The following VKORC1L1 variants were observed in gnomAD, a reference collection of about 807,000 sequenced individuals.
VKORC1L1 encodes vitamin K epoxide reductase complex subunit 1L1.
In VKORC1L1, 2 loss-of-function variants were observed where a neutral mutation model predicts 18.9. The observed-to-expected ratio is 0.11, with a 90% CI of 0.04 to 0.33. VKORC1L1 has a LOEUF of 0.33. Ranked by LOEUF, VKORC1L1 falls within the 10% of genes least tolerant of loss-of-function variation. The pLI, the probability that VKORC1L1 is intolerant of heterozygous loss-of-function variation, is 1.00. For synonymous variants in VKORC1L1, 96 were observed against 100.0 expected (o/e 0.96, Z 0.24); for missense variants, 123 against 224.1 (o/e 0.55, Z 2.88).
chr7:65,953,760 G>C (rs1207425129), intron 2 of VKORC1L1, among the ~76,000 whole-genome samples: 2 of 152,182 alleles, frequency 1.3e-5, no homozygotes, highest in African/African-American at 4.8e-5. Flanking sequence ...TGGCTACTTG[G>C]GAGGCTGAGG....
chr7:65,935,520 G>T (rs984483546), intron 1 of VKORC1L1, among the ~76,000 whole-genome samples: 5 of 152,218 alleles, frequency 3.3e-5, no homozygotes, highest in African/African-American at 9.6e-5. Flanking sequence ...ATGTTGGCCA[G>T]GATGATCTTC....
At chr7:65,909,095 G>A (rs1460834890) in intron 1 of VKORC1L1, among the ~76,000 whole-genome samples, 1 of 147,856 alleles carries the variant, frequency 6.8e-6, no homozygotes, top group African/African-American at 2.5e-5. Flanking sequence ...CATAGCCTTG[G>A]CCTCCCAAAG....
At chr7:65,934,547 C>T (rs1011450482) in intron 1 of VKORC1L1, among the ~76,000 whole-genome samples, 1 of 152,142 alleles carries the variant, frequency 6.6e-6, no homozygotes, top group Non-Finnish European at 1.5e-5. Flanking sequence ...TCCCACTCCC[C>T]CAGCCTCTAT....
At chr7:65,907,173 C>G (rs951853116) in intron 1 of VKORC1L1, among the ~76,000 whole-genome samples, 20 of 152,156 alleles carry the variant, frequency 1.3e-4, no homozygotes, top group African/African-American at 4.8e-4. Context: ...GGCTCGGTGG[C>G]TCATGCCTGT....
chr7:65,872,831 A>G (rs1469026789), upstream of VKORC1L1, among the ~76,000 whole-genome samples: 1 of 151,970 alleles, frequency 6.6e-6, no homozygotes, highest in East Asian at 1.9e-4. Flanking sequence ...ATGGCAATTG[A>G]TTGCCATCCC....
intron 1 of VKORC1L1, among the ~76,000 whole-genome samples, chr7:65,910,839 T>G (rs1244848573): frequency 6.6e-6 from 1 of 152,214 alleles, no homozygotes; most frequent in Non-Finnish European, 1.5e-5. Context: ...ACAGGAAGCA[T>G]GTAAAACATT....
intron 1 of VKORC1L1, among the ~76,000 whole-genome samples, chr7:65,892,993 G>A (rs960420148): frequency 3.3e-5 from 5 of 152,188 alleles, no homozygotes; most frequent in African/African-American, 9.7e-5. Context: ...TCCCACAAGT[G>A]TACAATAGGG....
At chr7:65,943,183 G>A (rs1790064467) in intron 1 of VKORC1L1, among the ~76,000 whole-genome samples, 1 of 152,082 alleles carries the variant, frequency 6.6e-6, no homozygotes, top group Admixed American at 6.5e-5. Context: ...AGGATCACTT[G>A]AGCCCAGGAG....
intron 1 of VKORC1L1, among the ~76,000 whole-genome samples, chr7:65,886,865 T>TTTTCG (rs1789023331): frequency 7.6e-6 from 1 of 132,108 alleles, no homozygotes; most frequent in Non-Finnish European, 1.6e-5. Flanking sequence ...TTTTTTTTTT[T>TTTTCG]CTGAGACAGA....
chr7:65,945,377 C>T (rs531629833), intron 1 of VKORC1L1, among the ~76,000 whole-genome samples: 3 of 152,040 alleles, frequency 2.0e-5, no homozygotes, highest in South Asian at 2.1e-4. Context: ...TTTGGGAGGC[C>T]GAGGCGGGCA....
At chr7:65,898,169 A>G (rs770958384) in intron 1 of VKORC1L1, among the ~76,000 whole-genome samples, 3 of 142,556 alleles carry the variant, frequency 2.1e-5, no homozygotes, top group Non-Finnish European at 4.5e-5. Flanking sequence ...GCTCACTGCA[A>G]CCTCTGCCTC....
chr7:65,891,398 G>T (rs1239666624), intron 1 of VKORC1L1, among the ~76,000 whole-genome samples: 4 of 151,976 alleles, frequency 2.6e-5, no homozygotes, highest in Non-Finnish European at 5.9e-5. Context: ...ACTCCACTTT[G>T]GTTTTAATTT....
At chr7:65,907,403 A>G (rs1440060106) in intron 1 of VKORC1L1, among the ~76,000 whole-genome samples, 1 of 152,182 alleles carries the variant, frequency 6.6e-6, no homozygotes, top group Admixed American at 6.5e-5. Context: ...ATGCCATTGC[A>G]CTCCAGCCAG....
intron 1 of VKORC1L1, among the ~76,000 whole-genome samples, chr7:65,931,663 A>T (rs1789860309): frequency 6.6e-6 from 1 of 151,894 alleles, no homozygotes; most frequent in South Asian, 2.1e-4. Flanking sequence ...TTTTTTTGAG[A>T]TGCAGTCTCG....
chr7:65,947,414 GTT>G (rs58878681), intron 1 of VKORC1L1, among the ~76,000 whole-genome samples: 5 of 130,790 alleles, frequency 3.8e-5, no homozygotes, highest in Admixed American at 7.5e-5. Context: ...ACCATAACTG[GTT>G]TTTTTTTTTT....
At chr7:65,885,966 C>T (rs1026588339) in intron 1 of VKORC1L1, among the ~76,000 whole-genome samples, 2 of 152,324 alleles carry the variant, frequency 1.3e-5, no homozygotes, top group Admixed American at 6.5e-5. Flanking sequence ...GGAGTCAGTT[C>T]TCACTAGCAG....
At chr7:65,879,507 G>A (rs1389802626) in intron 1 of VKORC1L1, among the ~76,000 whole-genome samples, 2 of 152,172 alleles carry the variant, frequency 1.3e-5, no homozygotes, top group East Asian at 3.9e-4. Context: ...GTCCCATGAG[G>A]CAGGTAGCTT....
At chr7:65,893,612 C>T (rs1307527519) in intron 1 of VKORC1L1, among the ~76,000 whole-genome samples, 1 of 151,982 alleles carries the variant, frequency 6.6e-6, no homozygotes, top group Non-Finnish European at 1.5e-5. Context: ...TAGGTATGTG[C>T]CACTGCACTC....
chr7:65,901,190 A>G (rs1440962200), intron 1 of VKORC1L1, among the ~76,000 whole-genome samples: 1 of 152,232 alleles, frequency 6.6e-6, no homozygotes, highest in Non-Finnish European at 1.5e-5. Context: ...CTGGATGAAG[A>G]CTAAGCATTT....
Sources: allele counts gnomAD v4.1 joint callset (sites outside exome capture counted in the v4.1 genomes callset), GRCh38; gene constraint gnomAD v4.1.1; transcripts MANE v1.5; gene names NCBI Gene and HGNC (gene_info 2026-07-23, HGNC 2026-07-21).